Variants in OR9Q1 observed in about 807,000 individuals in gnomAD.
OR9Q1 encodes olfactory receptor 9Q1.
For missense variants in OR9Q1, 374 were observed against 378.8 expected, an observed-to-expected ratio of 0.99 and a Z score of 0.11; for synonymous variants, 153 against 148.6, an observed-to-expected ratio of 1.03 and a Z score of -0.22.
At chr11:58,142,533 T>C (rs1854260679) in intron 2 of OR9Q1, among the ~76,000 whole-genome samples, 1 of 152,164 alleles carries the variant, frequency 6.6e-6, no homozygotes, top group Non-Finnish European at 1.5e-5. Context: ...TCCCCCCAGT[T>C]GCTGAACATT....
intron 2 of OR9Q1, chr11:58,125,232 A>AC (rs202052034): frequency 1.4e-4 from 8 of 58,468 alleles, no homozygotes; most frequent in Admixed American, 2.0e-4. Flanking sequence ...TTCCCCCCTT[A>AC]CCCACCGCCC....
chr11:58,028,296 G>A (rs1326188218), intron 1 of OR9Q1, among the ~76,000 whole-genome samples: 4 of 152,198 alleles, frequency 2.6e-5, no homozygotes, highest in Admixed American at 6.5e-5. Context: ...TTGTTTGCTT[G>A]ACCTGCATAC....
In OR9Q1 at chr11:58,180,401, C is replaced by T. The variant is rs375160219; in HGVS notation, c.*24C>T. 290 of 1,438,146 alleles carry T rather than the reference C, an allele frequency of 2.0e-4. 1 individual carries two copies. Among genetic ancestry groups the T allele is most frequent in the Non-Finnish European group, 2.4e-4 (255 of 1,049,686 alleles). The allele number at this position is 1,438,146 out of a possible 1,614,324, so 89.1% of individuals were successfully genotyped here. A position where few individuals can be genotyped will look rare whatever the true frequency, so the allele number is the denominator to read the frequency against. ...AACCATCTCCAAACTTGGAAAATCC[C>T]GAGAACCACCTACTCTGTAGTGTCA... On this transcript the variant is annotated 3_prime_UTR_variant, in exon 3 of 3. Transcript: ENST00000335397.
chr11:58,033,544 G>A (rs911338120), intron 1 of OR9Q1, among the ~76,000 whole-genome samples: 3 of 152,154 alleles, frequency 2.0e-5, no homozygotes, highest in African/African-American at 7.2e-5. Context: ...GTAAGTAGGA[G>A]CTAAATCTTG....
chr11:58,075,250 T>A (rs1211896070), intron 2 of OR9Q1, among the ~76,000 whole-genome samples: 1 of 152,208 alleles, frequency 6.6e-6, no homozygotes, highest in Non-Finnish European at 1.5e-5. Flanking sequence ...CATAGAATGT[T>A]TTTCCATTTG....
chr11:58,048,679 A>ATATATATATATATATATATAT (rs1554965247), intron 1 of OR9Q1, among the ~76,000 whole-genome samples: 5 of 131,406 alleles, frequency 3.8e-5, no homozygotes, highest in African/African-American at 1.4e-4. Context: ...TAAAAAAAAA[A>ATATATATATATATATATATAT]ATATATATAT....
chr11:58,131,348 G>C (rs1854139456), intron 2 of OR9Q1, among the ~76,000 whole-genome samples: 1 of 151,552 alleles, frequency 6.6e-6, no homozygotes, highest in South Asian at 2.1e-4. Context: ...CAGCAAAATA[G>C]CAGGATGAGG....
intron 2 of OR9Q1, among the ~76,000 whole-genome samples, chr11:58,110,642 G>C (rs1853890831): frequency 6.6e-6 from 1 of 152,142 alleles, no homozygotes; most frequent in African/African-American, 2.4e-5. Context: ...AAACCATTGT[G>C]TCATAACAGC....
chr11:58,131,144 T>G (rs977612900), intron 2 of OR9Q1, among the ~76,000 whole-genome samples: 23 of 152,166 alleles, frequency 1.5e-4, no homozygotes, highest in Admixed American at 1.5e-3. Flanking sequence ...GGACCACTGA[T>G]CTACATAGCA....
At chr11:58,056,577 C>A (rs1853330175) in intron 2 of OR9Q1, among the ~76,000 whole-genome samples, 1 of 152,166 alleles carries the variant, frequency 6.6e-6, no homozygotes, top group African/African-American at 2.4e-5. Flanking sequence ...TTGTTGAACA[C>A]AGTCAGATTG....
chr11:58,080,683 T>A (rs747001579), intron 2 of OR9Q1, among the ~76,000 whole-genome samples: 1 of 152,208 alleles, frequency 6.6e-6, no homozygotes, highest in Non-Finnish European at 1.5e-5. Flanking sequence ...ATAACTATTC[T>A]GACTGGTGTG....
At chr11:58,059,483 G>T (rs1382693024) in intron 2 of OR9Q1, among the ~76,000 whole-genome samples, 1 of 151,872 alleles carries the variant, frequency 6.6e-6, no homozygotes, top group Non-Finnish European at 1.5e-5. Flanking sequence ...ATCAATTGAG[G>T]TCAGGAGTTC....
At chr11:58,133,798 A>G (rs960523514) in intron 2 of OR9Q1, among the ~76,000 whole-genome samples, 1 of 152,224 alleles carries the variant, frequency 6.6e-6, no homozygotes, top group East Asian at 1.9e-4. Flanking sequence ...TTGACGTTAT[A>G]GAGAGAGCTA....
At chr11:58,047,830 G>A (rs1178869530) in intron 1 of OR9Q1, among the ~76,000 whole-genome samples, 2 of 152,156 alleles carry the variant, frequency 1.3e-5, no homozygotes, top group Non-Finnish European at 2.9e-5. Flanking sequence ...GTTGCGGTGA[G>A]CCAAGATCTC....
At chr11:58,102,097 T>C (rs1853789745) in intron 2 of OR9Q1, among the ~76,000 whole-genome samples, 1 of 152,206 alleles carries the variant, frequency 6.6e-6, no homozygotes, top group African/African-American at 2.4e-5. Context: ...CTTTGATCCA[T>C]AGACTATAGT....
At chr11:58,095,776 A>C (rs1208303052) in intron 2 of OR9Q1, among the ~76,000 whole-genome samples, 1 of 152,168 alleles carries the variant, frequency 6.6e-6, no homozygotes, top group Non-Finnish European at 1.5e-5. Flanking sequence ...TTGAATGGGG[A>C]CACAAAGCCA....
intron 2 of OR9Q1, among the ~76,000 whole-genome samples, chr11:58,154,433 G>A (rs1008006328): frequency 6.7e-6 from 1 of 149,564 alleles, no homozygotes; most frequent in Non-Finnish European, 1.5e-5. Flanking sequence ...AAAGGAATGG[G>A]AATTGTTACT....
intron 1 of OR9Q1, among the ~76,000 whole-genome samples, chr11:58,048,974 A>G (rs1853250061): frequency 3.9e-5 from 1 of 25,872 alleles, no homozygotes; most frequent in Non-Finnish European, 7.6e-5. Context: ...AACCAAAAAG[A>G]GTCCAGGACC....
intron 2 of OR9Q1, among the ~76,000 whole-genome samples, chr11:58,120,229 T>C (rs1854015040): frequency 6.6e-6 from 1 of 152,166 alleles, no homozygotes; most frequent in Admixed American, 6.5e-5. Flanking sequence ...GTGGACTTGC[T>C]ACTTTTTTAT....
Sources: gnomAD v4.1 joint callset for allele counts (sites outside exome capture counted in the v4.1 genomes callset) on GRCh38, gnomAD v4.1.1 for gene constraint, MANE v1.5 for transcripts, NCBI Gene and HGNC (gene_info 2026-07-23, HGNC 2026-07-21) for gene names.